Variants in AHCY observed in about 807,000 individuals in gnomAD.
AHCY encodes the protein adenosylhomocysteinase.
In AHCY, 24 loss-of-function variants were observed where a neutral mutation model predicts 45.4. That is an observed-to-expected ratio of 0.53 (90% CI 0.38 to 0.74). The LOEUF (loss-of-function observed/expected upper bound fraction) is 0.74. AHCY is among the 30% of genes least tolerant of loss of function. The probability of loss-of-function intolerance (pLI) is 0.00; values close to 1 mark genes in which losing one functional copy is unlikely to be tolerated. For synonymous variants in AHCY, 245 were observed against 235.1 expected (o/e 1.04, Z -0.39); for missense variants, 449 against 594.1 (o/e 0.76, Z 2.54).
the AHCY span, among the ~76,000 whole-genome samples, chr20:34,271,982 G>C: frequency 1.3e-5 from 2 of 152,060 alleles, no homozygotes; most frequent in Non-Finnish European, 2.9e-5. Flanking sequence ...GAGAAAAAAA[G>C]GTAGAGGGTT....
At chr20:34,272,408 T>C in the AHCY span, among the ~76,000 whole-genome samples, 2 of 152,178 alleles carry the variant, frequency 1.3e-5, no homozygotes, top group African/African-American at 4.8e-5. Context: ...TCCAATTCAA[T>C]TCCAACACTA....
chr20:34,293,615 T>G (rs979046470), intron 3 of AHCY: 1 of 306,594 alleles, frequency 3.3e-6, no homozygotes, highest in Admixed American at 4.7e-5. Flanking sequence ...TCCTAATCAC[T>G]GGGTCAGATC....
the AHCY span, among the ~76,000 whole-genome samples, chr20:34,253,554 C>A: frequency 6.6e-6 from 1 of 151,918 alleles, no homozygotes; most frequent in Non-Finnish European, 1.5e-5. Context: ...CTCACTGCAA[C>A]CTCCGCCTCC....
At chr20:34,292,820 C>A (rs1411398158) in intron 3 of AHCY, among the ~76,000 whole-genome samples, 1 of 152,200 alleles carries the variant, frequency 6.6e-6, no homozygotes, top group South Asian at 2.1e-4. Flanking sequence ...TACAGCCCCC[C>A]GCCCCAGATA....
Position 34,291,507 on chromosome 20 carries a change from G to A in AHCY, c.470C>T (p.Thr157Ile). 1 of 1,614,142 alleles carries A rather than the reference G, an allele frequency of 6.2e-7. No homozygotes were observed. Among genetic ancestry groups the A allele is most frequent in the Admixed American group, 1.7e-5 (1 of 60,018 alleles). Residue 157 changes from threonine to isoleucine, a missense_variant, in exon 5 of 10, where the codon ACC becomes ATC. Thr to Ile is a moderately conservative substitution (Grantham distance 89, BLOSUM62 -1). Coordinates refer to ENST00000217426, the MANE Select transcript of AHCY (RefSeq NM_000687.4). Reference protein sequence around the residue: ...LPGIRGISEETTTGVHNLYKM... With the variant: ...LPGIRGISEEITTGVHNLYKM... ...GTAGAGGTTGTGGACCCCAGTCGTG[G>A]TCTCCTCAGAGATGCCTCGGATGCC...
the AHCY span, among the ~76,000 whole-genome samples, chr20:34,264,466 G>A: frequency 2.0e-5 from 3 of 152,176 alleles, no homozygotes; most frequent in African/African-American, 7.2e-5. Context: ...ATGCAATATT[G>A]TAAACCTTGA....
At chr20:34,242,382 A>G in the AHCY span, among the ~76,000 whole-genome samples, 1 of 151,970 alleles carries the variant, frequency 6.6e-6, no homozygotes, top group Non-Finnish European at 1.5e-5. Flanking sequence ...ACAGGCACAC[A>G]CCACCACGCC....
At chr20:34,254,611 CTAT>C in the AHCY span, among the ~76,000 whole-genome samples, 1 of 152,154 alleles carries the variant, frequency 6.6e-6, no homozygotes, top group Non-Finnish European at 1.5e-5. Flanking sequence ...TTCATCCTGC[CTAT>C]TATGAAGATC....
chr20:34,272,269 C>T, the AHCY span, among the ~76,000 whole-genome samples: 4 of 152,198 alleles, frequency 2.6e-5, no homozygotes, highest in African/African-American at 9.6e-5. Context: ...AACCATGTTT[C>T]CCTCTGCTTT....
the AHCY span, chr20:34,269,246 C>T: frequency 5.6e-6 from 8 of 1,418,594 alleles, no homozygotes; most frequent in Non-Finnish European, 6.4e-6. Context: ...CCTAACAGGG[C>T]GGCTTCCCAG....
At chr20:34,282,430 C>T (rs2036033986) in intron 9 of AHCY, among the ~76,000 whole-genome samples, 1 of 152,148 alleles carries the variant, frequency 6.6e-6, no homozygotes, top group Non-Finnish European at 1.5e-5. Context: ...GCCAGCTAAG[C>T]TGATCTCAAA....
the AHCY span, among the ~76,000 whole-genome samples, chr20:34,233,926 G>T: frequency 6.6e-6 from 1 of 152,224 alleles, no homozygotes. Context: ...ACACTCTGCA[G>T]CCAGTCAACA....
chr20:34,247,986 G>A, the AHCY span, among the ~76,000 whole-genome samples: 8 of 152,134 alleles, frequency 5.3e-5, no homozygotes, highest in Non-Finnish European at 8.8e-5. Flanking sequence ...AGGGCAGATC[G>A]CCTGAGATCA....
At chr20:34,270,633 C>CCATT in the AHCY span, among the ~76,000 whole-genome samples, 1 of 152,200 alleles carries the variant, frequency 6.6e-6, no homozygotes, top group African/African-American at 2.4e-5. Flanking sequence ...GAAGACCAAC[C>CCATT]CATTCATTCA....
chr20:34,273,027 T>C, the AHCY span, among the ~76,000 whole-genome samples: 1 of 152,204 alleles, frequency 6.6e-6, no homozygotes, highest in African/African-American at 2.4e-5. Flanking sequence ...CCCCAGCATG[T>C]CTGGCTATCA....
intron 9 of AHCY, chr20:34,281,530 T>G (rs2036001019): frequency 2.8e-6 from 1 of 356,036 alleles, no homozygotes; most frequent in Non-Finnish European, 5.5e-6. Context: ...CTGGGATTCC[T>G]AAACAGGGAA....
At chr20:34,274,123 A>G in the AHCY span, among the ~76,000 whole-genome samples, 3 of 152,216 alleles carry the variant, frequency 2.0e-5, no homozygotes, top group African/African-American at 7.2e-5. Flanking sequence ...TGTATAGACT[A>G]CCAGAGCAAT....
At chr20:34,277,195 C>CT (rs930276390), downstream of AHCY, among the ~76,000 whole-genome samples, 3 of 152,198 alleles carry the variant, frequency 2.0e-5, no homozygotes, top group African/African-American at 4.8e-5. Context: ...CACAGCCAGT[C>CT]ACACAGAGGT....
upstream of AHCY, among the ~76,000 whole-genome samples, chr20:34,308,311 G>A (rs772170691): frequency 8.5e-5 from 13 of 152,226 alleles, no homozygotes; most frequent in Non-Finnish European, 1.6e-4. Context: ...AGCACTTTGG[G>A]AGGCCAAGGC....
Sources: gnomAD v4.1 joint callset for allele counts (sites outside exome capture counted in the v4.1 genomes callset) on GRCh38, gnomAD v4.1.1 for gene constraint, MANE v1.5 for transcripts, NCBI Gene and HGNC (gene_info 2026-07-23, HGNC 2026-07-21) for gene names.